Variants in FNDC3A observed in about 807,000 individuals in gnomAD.
The protein encoded by FNDC3A is fibronectin type-III domain-containing protein 3A.
Under a neutral mutation model 148.9 loss-of-function variants are expected in FNDC3A, and 32 were observed. The observed-to-expected ratio is 0.21, with a 90% CI of 0.16 to 0.29. FNDC3A has a LOEUF of 0.29. FNDC3A is among the 10% of genes least tolerant of loss of function. The pLI, the probability that FNDC3A is intolerant of heterozygous loss-of-function variation, is 1.00. For missense variants in FNDC3A, 1,191 were observed against 1,452.8 expected (o/e 0.82, Z 2.93); for synonymous variants, 472 against 473.6 (o/e 1.00, Z 0.04).
At position 49,029,106 on chromosome 13, in the gene FNDC3A, T is replaced by C. The variant is rs550696771; in HGVS notation, c.99+22817T>C. Among the ~76,000 whole-genome samples the C allele has an allele frequency of 4.6e-5, 7 of 152,154 alleles. No individual in the cohort carries two copies. The South Asian group carries it at 1.0e-3, about 23-fold the overall frequency. The stretch of plus-strand genomic sequence containing the variant: ...CTCCCACCTTAACCTCCCAAATAGC[T>C]AGGACCACAGATGTGCACCACCATG... On this transcript the variant is annotated intron_variant, in intron 2 of 25. Transcript: ENST00000492622.
chr13:49,056,002 C>T (rs891618288), intron 2 of FNDC3A, among the ~76,000 whole-genome samples: 3 of 152,022 alleles, frequency 2.0e-5, no homozygotes, highest in African/African-American at 7.2e-5. Flanking sequence ...GCCCAGGCAG[C>T]ATGGCAAGAC....
Position 49,197,854 on chromosome 13 carries a change from A to G in FNDC3A, c.2470A>G (p.Thr824Ala). Residue 824 changes from threonine to alanine, a missense_variant, in exon 21 of 26, where the codon ACC (threonine) becomes GCC (alanine). Thr to Ala is a moderately conservative substitution (Grantham distance 58). Around this residue, in one of 3 missense-constraint regions of FNDC3A, gnomAD observed 751 missense variants for 944.0 expected, o/e 0.80. Coordinates refer to ENST00000492622, the MANE Select transcript of FNDC3A (RefSeq NM_001079673.2). ...AATAAAAGGACTTTCACCAGCAACT[A>G]CCTATTATTGCAGGGTCCAGGTAAA... ...YEIKGLSPAT[T>A]YYCRVQALSV... is the part of the protein sequence containing the mutation. 1.2e-6 allele frequency: 2 copies of G among 1,604,516 alleles called. No homozygotes were observed. Among genetic ancestry groups the G allele is most frequent in the Non-Finnish European group, 1.7e-6 (2 of 1,177,874 alleles).
chr13:48,982,667 A>C (rs1951714752), intron 1 of FNDC3A, among the ~76,000 whole-genome samples: 1 of 152,170 alleles, frequency 6.6e-6, no homozygotes, highest in Non-Finnish European at 1.5e-5. Context: ...CTGCTGCATT[A>C]ATTATAATTT....
At chr13:49,056,060 G>A (rs1373502956) in intron 2 of FNDC3A, among the ~76,000 whole-genome samples, 1 of 151,876 alleles carries the variant, frequency 6.6e-6, no homozygotes, top group Non-Finnish European at 1.5e-5. Context: ...AGTGGCACGC[G>A]CCTGTAGTCC....
intron 2 of FNDC3A, among the ~76,000 whole-genome samples, chr13:49,010,601 G>GC (rs1434955522): frequency 6.6e-6 from 1 of 152,108 alleles, no homozygotes; most frequent in Non-Finnish European, 1.5e-5. Flanking sequence ...AAATCATGAA[G>GC]TATAACATAT....
chr13:49,120,583 A>G (rs1418540180), intron 4 of FNDC3A, among the ~76,000 whole-genome samples: 1 of 152,084 alleles, frequency 6.6e-6, no homozygotes, highest in African/African-American at 2.4e-5. Context: ...GGTGTGCTGT[A>G]TTCAGGAGAC....
chr13:49,108,579 A>C (rs1880349539), intron 3 of FNDC3A, among the ~76,000 whole-genome samples: 1 of 152,222 alleles, frequency 6.6e-6, no homozygotes, highest in African/African-American at 2.4e-5. Context: ...ATGGAAAAAA[A>C]CTTTCTAGTG....
upstream of FNDC3A, chr13:48,975,376 C>G (rs773280156): frequency 9.8e-5 from 15 of 152,348 alleles, no homozygotes; most frequent in Middle Eastern, 3.4e-3. Context: ...AAGCCACCCC[C>G]CACGTTTTCA....
At chr13:49,148,263 G>T (rs1001026772) in intron 8 of FNDC3A, among the ~76,000 whole-genome samples, 1 of 151,878 alleles carries the variant, frequency 6.6e-6, no homozygotes, top group Non-Finnish European at 1.5e-5. Context: ...GTGCTTTGGG[G>T]GTCTTAGCAT....
At chr13:48,979,146 C>G (rs912047209) in intron 1 of FNDC3A, among the ~76,000 whole-genome samples, 1 of 151,874 alleles carries the variant, frequency 6.6e-6, no homozygotes, top group African/African-American at 2.4e-5. Context: ...CTATTTTTTC[C>G]TCCAAGATTG....
chr13:49,110,327 T>G, intron 3 of FNDC3A: 1 of 1,575,358 alleles, frequency 6.3e-7, no homozygotes, highest in Non-Finnish European at 8.6e-7. Flanking sequence ...GTTCTCCAAT[T>G]AAAGCTGTTA....
chr13:49,097,230 A>G (rs1225553243), intron 3 of FNDC3A, among the ~76,000 whole-genome samples: 3 of 151,996 alleles, frequency 2.0e-5, no homozygotes, highest in African/African-American at 7.2e-5. Context: ...ATGATTTACA[A>G]ATTTCACAGA....
intron 8 of FNDC3A, among the ~76,000 whole-genome samples, chr13:49,147,470 A>G (rs1883057766): frequency 6.6e-6 from 1 of 152,142 alleles, no homozygotes; most frequent in African/African-American, 2.4e-5. Context: ...AAAGAAGTCC[A>G]TAAAGTGGAG....
intron 2 of FNDC3A, among the ~76,000 whole-genome samples, chr13:49,069,741 T>A (rs1203072898): frequency 6.6e-6 from 1 of 152,168 alleles, no homozygotes; most frequent in Non-Finnish European, 1.5e-5. Context: ...CCAGTCAATA[T>A]CAAAGAAGTG....
chr13:49,191,590 C>G (rs1386624578), intron 19 of FNDC3A, among the ~76,000 whole-genome samples: 1 of 152,218 alleles, frequency 6.6e-6, no homozygotes, highest in African/African-American at 2.4e-5. Context: ...ATTTTTAGAT[C>G]CCACTTACAG....
At chr13:48,989,754 C>CTT (rs35947839) in intron 1 of FNDC3A, among the ~76,000 whole-genome samples, 9 of 143,794 alleles carry the variant, frequency 6.3e-5, no homozygotes, top group African/African-American at 7.6e-5. Context: ...TTAAAGATAA[C>CTT]TTTTTTTTTT....
At chr13:49,196,080 CAAA>C (rs71076070) in intron 19 of FNDC3A, among the ~76,000 whole-genome samples, 7 of 71,600 alleles carry the variant, frequency 9.8e-5, no homozygotes, top group Non-Finnish European at 1.6e-4. Context: ...GACCTTGTCT[CAAA>C]AAAAAAAAAA....
At chr13:49,098,761 A>C (rs972936830) in intron 3 of FNDC3A, among the ~76,000 whole-genome samples, 5 of 152,180 alleles carry the variant, frequency 3.3e-5, no homozygotes, top group Non-Finnish European at 7.4e-5. Flanking sequence ...TTGTACACAG[A>C]TAATGAAATT....
intron 1 of FNDC3A, among the ~76,000 whole-genome samples, chr13:48,990,588 C>CAAAAAA (rs58007137): frequency 3.4e-5 from 2 of 58,106 alleles, no homozygotes; most frequent in Non-Finnish European, 6.0e-5. Flanking sequence ...CCTGTCTCTC[C>CAAAAAA]AAAAAAAAAA....
Sources: gnomAD v4.1 joint callset for allele counts (sites outside exome capture counted in the v4.1 genomes callset) on GRCh38, gnomAD v4.1.1 for gene constraint, gnomAD v4.1.1 regional missense constraint, MANE v1.5 for transcripts, NCBI Gene and HGNC (gene_info 2026-07-23, HGNC 2026-07-21) for gene names.